Variants in GIPC2 observed in about 807,000 individuals in gnomAD.
The protein encoded by GIPC2 is PDZ domain-containing protein GIPC2.
GIPC2 carries 30 observed loss-of-function variants against 30.6 expected under a neutral mutation model. The ratio of observed to expected loss-of-function variants is 0.98; its 90% CI spans 0.73 to 1.33. GIPC2 has a LOEUF of 1.33. Among genes scored for constraint, GIPC2 ranks in the 40% most tolerant of loss-of-function variants. GIPC2 has a pLI of 0.00. For missense variants in GIPC2, 414 were observed against 390.3 expected (o/e 1.06, Z -0.51); for synonymous variants, 167 against 150.0 (o/e 1.11, Z -0.83).
intron 1 of GIPC2, among the ~76,000 whole-genome samples, chr1:78,076,930 G>A (rs1043110370): frequency 6.6e-6 from 1 of 151,580 alleles, no homozygotes; most frequent in East Asian, 1.9e-4. Context: ...CACCATGCCT[G>A]GCTATTTTTT....
chr1:78,113,169 T>TGAC (rs777409301), intron 3 of GIPC2, among the ~76,000 whole-genome samples: 2 of 152,208 alleles, frequency 1.3e-5, no homozygotes, highest in East Asian at 3.8e-4. Context: ...CTAAGATGTC[T>TGAC]GTCTTATGTA....
chr1:78,060,750 C>G (rs1301647716), intron 1 of GIPC2, among the ~76,000 whole-genome samples: 2 of 151,566 alleles, frequency 1.3e-5, no homozygotes, highest in African/African-American at 2.4e-5. Flanking sequence ...ATGTGGGCCA[C>G]CCAGAACCAT....
At chr1:78,108,687 C>G (rs994103741) in intron 3 of GIPC2, among the ~76,000 whole-genome samples, 1 of 152,078 alleles carries the variant, frequency 6.6e-6, no homozygotes, top group Non-Finnish European at 1.5e-5. Context: ...TCGTTAAAAT[C>G]TTAAATTCTG....
intron 2 of GIPC2, among the ~76,000 whole-genome samples, chr1:78,093,304 TC>T (rs1247600028): frequency 6.6e-6 from 1 of 152,214 alleles, no homozygotes; most frequent in Non-Finnish European, 1.5e-5. Flanking sequence ...ACTGAGTGAT[TC>T]CCATTGTTTC....
chr1:78,061,890 T>G (rs948231772), intron 1 of GIPC2, among the ~76,000 whole-genome samples: 1 of 152,236 alleles, frequency 6.6e-6, no homozygotes, highest in Non-Finnish European at 1.5e-5. Context: ...GTGCTGAGAT[T>G]ACAGGCATGA....
Position 78,134,419 on chromosome 1 carries a change from A to T in GIPC2, c.797-1173A>T, listed in dbSNP as rs541274062. 7.3e-4 allele frequency among the ~76,000 whole-genome samples: 111 copies of T among 151,588 alleles called. 1 individual carries two copies. The highest frequency in any genetic ancestry group is 1.1e-3 in the Non-Finnish European group (78 of 67,866). On this transcript the variant is annotated intron_variant, in intron 5 of 5. Transcript: ENST00000370759. The stretch of plus-strand genomic sequence containing the variant: ...TCTCCATATGTGTAACTAATCTCTT[A>T]TCACCGTGGCTGCTGCCCTCCCTCC...
chr1:78,087,041 T>C (rs1661941584), intron 2 of GIPC2, among the ~76,000 whole-genome samples: 2 of 152,192 alleles, frequency 1.3e-5, no homozygotes, highest in Non-Finnish European at 2.9e-5. Flanking sequence ...CACTGGTCTA[T>C]GTGTAAGTAT....
At chr1:78,112,881 A>G (rs1259152275) in intron 3 of GIPC2, among the ~76,000 whole-genome samples, 1 of 152,160 alleles carries the variant, frequency 6.6e-6, no homozygotes, top group Non-Finnish European at 1.5e-5. Context: ...TAAACATTTT[A>G]TTTTAATTTA....
intron 2 of GIPC2, among the ~76,000 whole-genome samples, chr1:78,090,895 G>C (rs1662024161): frequency 6.6e-6 from 1 of 152,132 alleles, no homozygotes; most frequent in African/African-American, 2.4e-5. Context: ...TACTGTTTGA[G>C]ATCTGGAGAC....
chr1:78,131,123 T>A (rs1662886312), intron 5 of GIPC2, among the ~76,000 whole-genome samples: 2 of 149,518 alleles, frequency 1.3e-5, no homozygotes, highest in South Asian at 4.3e-4. Flanking sequence ...AGGTTAAACA[T>A]TTACTATTTT....
chr1:78,091,521 A>G, intron 2 of GIPC2: 1 of 738,438 alleles, frequency 1.4e-6, no homozygotes, highest in Non-Finnish European at 2.5e-6. Context: ...GGCAGCTCCA[A>G]ACAGCCGTCC....
Position 78,046,195 on chromosome 1 carries a change from C to A in GIPC2, c.101C>A (p.Ala34Glu). The A allele has an allele frequency of 1.3e-6, 2 of 1,581,488 alleles. No homozygotes were observed. Among genetic ancestry groups the A allele is most frequent in the South Asian group, 1.1e-5 (1 of 87,528 alleles). Residue 34 changes from alanine to glutamate, a missense_variant, in exon 1 of 6, where the codon GCG (alanine) becomes GAG (glutamate). Transcript: ENST00000370759. The part of the protein sequence containing the change: ...PTGAGGGSLS[A>E]SRAPARRLVF... ...GGCGCGGGCGGCGGGAGCCTCTCAG[C>A]GTCCCGGGCTCCCGCACGCAGGCTG...
In GIPC2 at chr1:78,080,684, T is replaced by C. The variant is rs779654406; in HGVS notation, c.250T>C (p.Cys84Arg). 6.3e-7 allele frequency: 1 copy of C among 1,590,802 alleles called. No homozygotes were observed. The highest frequency in any genetic ancestry group is 1.1e-5 in the South Asian group (1 of 88,750). ...FEISPSEILYCTLNTPKIDME... is the reference protein window; with the variant it reads ...FEISPSEILYRTLNTPKIDME... ...TTATTTTTCTTTGCAGATCTTATAT[T>C]GCACTTTAAACACACCTAAAATTGA... is the stretch of plus-strand genomic sequence containing the variant. The change falls in exon 2 of 6, where the codon TGC becomes CGC. Residue 84 changes from cysteine (C) to arginine (R), a missense_variant. Cys to Arg is a radical substitution (Grantham distance 180). Transcript: ENST00000370759.
chr1:78,077,336 TCTTA>T (rs755830963), intron 1 of GIPC2, among the ~76,000 whole-genome samples: 19 of 152,364 alleles, frequency 1.2e-4, no homozygotes, highest in African/African-American at 3.8e-4. Flanking sequence ...AGCTATTTCT[TCTTA>T]CTTTTGTTAC....
chr1:78,068,283 T>C (rs1402734462), intron 1 of GIPC2, among the ~76,000 whole-genome samples: 1 of 152,232 alleles, frequency 6.6e-6, no homozygotes, highest in African/African-American at 2.4e-5. Context: ...ACTCTCCCCA[T>C]ACTCATTAAG....
chr1:78,075,900 C>G (rs1342774022), intron 1 of GIPC2, among the ~76,000 whole-genome samples: 3 of 152,166 alleles, frequency 2.0e-5, no homozygotes, highest in Non-Finnish European at 4.4e-5. Flanking sequence ...GTGCCCACCC[C>G]TGACTGTCTC....
intron 3 of GIPC2, among the ~76,000 whole-genome samples, chr1:78,108,767 A>T (rs1281736966): frequency 6.6e-6 from 1 of 152,186 alleles, no homozygotes; most frequent in African/African-American, 2.4e-5. Flanking sequence ...AATGTGGGGT[A>T]GGGAGCATGT....
chr1:78,110,758 C>A (rs1026334110), intron 3 of GIPC2, among the ~76,000 whole-genome samples: 1 of 152,210 alleles, frequency 6.6e-6, no homozygotes, highest in Non-Finnish European at 1.5e-5. Flanking sequence ...GCCTTGCTGT[C>A]TTTACCTGTG....
chr1:78,090,070 A>G (rs1450987612), intron 2 of GIPC2, among the ~76,000 whole-genome samples: 3 of 152,216 alleles, frequency 2.0e-5, no homozygotes, highest in Non-Finnish European at 2.9e-5. Flanking sequence ...CTCATGGGCC[A>G]TATAAAAACA....
Sources: gnomAD v4.1 joint callset for allele counts (sites outside exome capture counted in the v4.1 genomes callset) on GRCh38, gnomAD v4.1.1 for gene constraint, MANE v1.5 for transcripts, NCBI Gene and HGNC (gene_info 2026-07-23, HGNC 2026-07-21) for gene names.